The following ESRRG variants were observed in gnomAD, a reference collection of about 807,000 sequenced individuals.
ESRRG encodes the protein estrogen-related receptor gamma.
In ESRRG, 13 loss-of-function variants were observed where a neutral mutation model predicts 44.0. That is an observed-to-expected ratio of 0.30 (90% CI 0.19 to 0.47). The LOEUF (loss-of-function observed/expected upper bound fraction) is 0.47, where lower values mean the gene tolerates loss of function less well. ESRRG is among the 20% of genes least tolerant of loss of function. ESRRG has a pLI of 1.00. For missense variants in ESRRG, 395 were observed against 580.6 expected, an observed-to-expected ratio of 0.68 and a Z score of 3.29; for synonymous variants, 215 against 214.6, an observed-to-expected ratio of 1.00 and a Z score of -0.02.
At chr1:216,666,404 A>T (rs892038557) in intron 2 of ESRRG, among the ~76,000 whole-genome samples, 6 of 152,230 alleles carry the variant, frequency 3.9e-5, no homozygotes, top group African/African-American at 1.4e-4. Context: ...AATATAAAGC[A>T]CAAAGTATCA....
chr1:216,568,997 T>A (rs1374523970), intron 3 of ESRRG, among the ~76,000 whole-genome samples: 2 of 151,070 alleles, frequency 1.3e-5, no homozygotes, highest in Non-Finnish European at 2.9e-5. Flanking sequence ...GAGGTTGCAG[T>A]GAACTGAGAC....
intron 3 of ESRRG, among the ~76,000 whole-genome samples, chr1:216,634,982 C>A (rs1382540980): frequency 6.6e-6 from 1 of 151,972 alleles, no homozygotes; most frequent in Non-Finnish European, 1.5e-5. Context: ...CTCTCTCCTC[C>A]CTCCTTTTTT....
intron 1 of ESRRG, among the ~76,000 whole-genome samples, chr1:217,066,701 G>C (rs2089763101): frequency 6.6e-6 from 1 of 152,188 alleles, no homozygotes; most frequent in African/African-American, 2.4e-5. Flanking sequence ...ATTCTTTGCT[G>C]TGTGGGGGGA....
intron 5 of ESRRG, among the ~76,000 whole-genome samples, chr1:216,533,996 C>G (rs1184716463): frequency 6.6e-6 from 1 of 152,118 alleles, no homozygotes; most frequent in African/African-American, 2.4e-5. Context: ...TGATGAACTA[C>G]AGACAGATCT....
intron 1 of ESRRG, among the ~76,000 whole-genome samples, chr1:216,708,872 T>C (rs1488876495): frequency 6.6e-6 from 1 of 152,096 alleles, no homozygotes; most frequent in Non-Finnish European, 1.5e-5. Flanking sequence ...CACCACGGAA[T>C]ACTGTGAAGC....
chr1:216,575,394 T>C (rs1329010768), intron 3 of ESRRG, among the ~76,000 whole-genome samples: 2 of 152,140 alleles, frequency 1.3e-5, no homozygotes, highest in Non-Finnish European at 2.9e-5. Flanking sequence ...TAACTCATCA[T>C]ACCTACCTCC....
chr1:216,591,900 T>A (rs2057727246), intron 3 of ESRRG, among the ~76,000 whole-genome samples: 1 of 152,218 alleles, frequency 6.6e-6, no homozygotes, highest in South Asian at 2.1e-4. Flanking sequence ...TCTCAATTTA[T>A]CGCACCACAA....
At chr1:217,085,348 G>A (rs115936532) in intron 1 of ESRRG, among the ~76,000 whole-genome samples, 2,415 of 152,064 alleles carry the variant, frequency 0.016, 66 homozygotes, top group African/African-American at 0.055. Context: ...AGAAGGCCCC[G>A]TGGGGCTCTG....
chr1:217,042,886 T>C (rs1449639693), intron 1 of ESRRG, among the ~76,000 whole-genome samples: 1 of 152,134 alleles, frequency 6.6e-6, no homozygotes, highest in Non-Finnish European at 1.5e-5. Flanking sequence ...GTATGCTTCC[T>C]AGTTCCTAGT....
intron 1 of ESRRG, among the ~76,000 whole-genome samples, chr1:216,718,760 C>T (rs1020453300): frequency 6.6e-6 from 1 of 151,970 alleles, no homozygotes; most frequent in Non-Finnish European, 1.5e-5. Context: ...CTCATACGCA[C>T]TTATAATAGA....
intron 1 of ESRRG, among the ~76,000 whole-genome samples, chr1:216,972,770 T>G (rs2071963232): frequency 6.6e-6 from 1 of 152,206 alleles, no homozygotes; most frequent in Non-Finnish European, 1.5e-5. Flanking sequence ...GATGAACTAG[T>G]ATGTACTACA....
At chr1:216,768,452 A>ATCTATCTATCTG (rs1232814940) in intron 2 of ESRRG, among the ~76,000 whole-genome samples, 2,160 of 78,718 alleles carry the variant, frequency 0.027, 26 homozygotes, top group Non-Finnish European at 0.04. Flanking sequence ...ATCTATCATT[A>ATCTATCTATCTG]TCTATCTATC....
intron 1 of ESRRG, among the ~76,000 whole-genome samples, chr1:216,943,230 A>G (rs1214619042): frequency 6.6e-6 from 1 of 152,136 alleles, no homozygotes; most frequent in Non-Finnish European, 1.5e-5. Flanking sequence ...CCCAGAGAAT[A>G]TTTTTAAAAC....
At chr1:216,722,766 T>G (rs1307135874) in intron 1 of ESRRG, among the ~76,000 whole-genome samples, 1 of 152,230 alleles carries the variant, frequency 6.6e-6, no homozygotes, top group Non-Finnish European at 1.5e-5. Flanking sequence ...AATTAGTAAA[T>G]GTGCAATTTT....
At chr1:217,088,178 C>G (rs1311055043) in intron 1 of ESRRG, among the ~76,000 whole-genome samples, 1 of 152,144 alleles carries the variant, frequency 6.6e-6, no homozygotes, top group East Asian at 1.9e-4. Context: ...TCCAAACACA[C>G]TCCCCTATTT....
chr1:216,806,707 A>T lies in ESRRG; in HGVS notation c.-13-129216T>A, dbSNP rs114800386. Among the ~76,000 whole-genome samples the T allele has an allele frequency of 8.1e-3, 1,237 of 152,242 alleles. 22 individuals are homozygous for T. The highest frequency in any genetic ancestry group is 0.028 in the African/African-American group (1,161 of 41,536). On this transcript the variant is annotated intron_variant, in intron 2 of 7. Transcript: ENST00000359162. The stretch of plus-strand genomic sequence containing the variant: ...TAAGTATCGGGTAAAACTCGAATGT[A>T]AGAAATACTGAGCTTGAGGAAACAA...
At chr1:216,594,443 T>C (rs532889149) in intron 3 of ESRRG, among the ~76,000 whole-genome samples, 1 of 152,188 alleles carries the variant, frequency 6.6e-6, no homozygotes, top group Non-Finnish European at 1.5e-5. Flanking sequence ...AGTATTGCCA[T>C]CAGCCCTATT....
At chr1:216,981,078 G>A (rs1443105036) in intron 1 of ESRRG, among the ~76,000 whole-genome samples, 1 of 152,108 alleles carries the variant, frequency 6.6e-6, no homozygotes, top group Non-Finnish European at 1.5e-5. Context: ...ACGTAGCAGA[G>A]TACATGAAGC....
At chr1:216,592,498 T>C (rs1263405647) in intron 3 of ESRRG, among the ~76,000 whole-genome samples, 1 of 152,044 alleles carries the variant, frequency 6.6e-6, no homozygotes, top group East Asian at 1.9e-4. Context: ...GGTGCTGTCA[T>C]CTATCTTTTT....
Sources: gnomAD v4.1 joint callset for allele counts (sites outside exome capture counted in the v4.1 genomes callset) on GRCh38, gnomAD v4.1.1 for gene constraint, MANE v1.5 for transcripts, NCBI Gene and HGNC (gene_info 2026-07-23, HGNC 2026-07-21) for gene names.